Variants in EPS8 observed in about 807,000 individuals in gnomAD.
The protein encoded by EPS8 is EGFR pathway substrate 8, signaling adaptor, also known as epidermal growth factor receptor kinase substrate 8.
Under a neutral mutation model 103.8 loss-of-function variants are expected in EPS8, and 42 were observed. That is an observed-to-expected ratio of 0.40 (90% CI 0.32 to 0.52). The LOEUF is 0.52. Ranked by LOEUF, EPS8 falls within the 20% of genes least tolerant of loss-of-function variation. The pLI is 0.40. For missense variants in EPS8, 969 were observed against 1,005.1 expected, an observed-to-expected ratio of 0.96 and a Z score of 0.49; for synonymous variants, 344 against 344.6, an observed-to-expected ratio of 1.00 and a Z score of 0.02.
rs368683338 is a variant in EPS8 at position 15,740,951 on chromosome 12, G to A, written c.-22+48210C>T. ...TAAAAAATGGTGCTTTTAGTGACCT[G>A]TATGTTCCAAAGCAGCAGCAGCCAA... On this transcript the variant is annotated intron_variant, in intron 1 of 20. Coordinates refer to ENST00000281172, the MANE Select transcript of EPS8 (RefSeq NM_004447.6). Among the ~76,000 whole-genome samples the A allele has an allele frequency of 3.1e-3, 472 of 152,314 alleles. 3 individuals carry two copies. Among genetic ancestry groups the A allele is most frequent in the Non-Finnish European group, 3.9e-3 (265 of 68,022 alleles).
rs1325179391 is a variant in EPS8 at position 15,727,524 on chromosome 12, T to C, written c.-21-44552A>G. ...AACTGACCCATTGCTACAACTTTTG[T>C]AAATACAGTAAAGCAAGGTATTTAA... On this transcript the variant is annotated intron_variant, in intron 1 of 20. Transcript: ENST00000281172. The surrounding 1 kb of genome is among the most constrained non-coding windows in gnomAD (Gnocchi z 4.3). Among the ~76,000 whole-genome samples the C allele has an allele frequency of 6.6e-6, 1 of 152,214 alleles. No homozygotes were observed. Among genetic ancestry groups the C allele is most frequent in the African/African-American group, 2.4e-5 (1 of 41,454 alleles).
rs758362136 is a variant in EPS8 at position 15,752,993 on chromosome 12, C to T, written c.-22+36168G>A. Among the ~76,000 whole-genome samples, 3 of 151,618 alleles carry T rather than the reference C, an allele frequency of 2.0e-5. No homozygotes were observed. Among genetic ancestry groups the T allele is most frequent in the Non-Finnish European group, 4.4e-5 (3 of 67,966 alleles). Reference sequence around the variant, plus strand: ...TGGGATAACCATCATTTATTTATAGCTCTGTGGCTTAAAGAAATGTGACTC... The same window carrying T: ...TGGGATAACCATCATTTATTTATAGTTCTGTGGCTTAAAGAAATGTGACTC... On this transcript the variant is annotated intron_variant, in intron 1 of 20. Transcript: ENST00000281172. This position sits in a 1 kb window ranked among gnomAD's most constrained non-coding sequence, Gnocchi z 4.4.
intron 1 of EPS8, among the ~76,000 whole-genome samples, chr12:15,686,511 G>A (rs1946098034): frequency 6.6e-6 from 1 of 151,686 alleles, no homozygotes; most frequent in Non-Finnish European, 1.5e-5. Context: ...ATTTTCTACA[G>A]AAAATAAAAT....
rs1946503275 is a variant in EPS8 at position 15,714,250 on chromosome 12, T to C, written c.-21-31278A>G. Among the ~76,000 whole-genome samples the C allele has an allele frequency of 6.6e-6, 1 of 152,016 alleles. No individual in the cohort carries two copies. Among genetic ancestry groups the C allele is most frequent in the Admixed American group, 6.6e-5 (1 of 15,260 alleles). On this transcript the variant is annotated intron_variant, in intron 1 of 20. Coordinates refer to ENST00000281172, the MANE Select transcript of EPS8 (RefSeq NM_004447.6). The surrounding 1 kb of genome is among the most constrained non-coding windows in gnomAD (Gnocchi z 4.1). ...TATGAAGACACCAAAAAAGTATATT[T>C]AAATTATTAAAGAAATGGAGAGAGA...
chr12:15,662,544 G>A, intron 8 of EPS8: 1 of 986,136 alleles, frequency 1.0e-6, no homozygotes, highest in Non-Finnish European at 1.2e-6. Flanking sequence ...AGCTTTCGGA[G>A]TTCTGACAGC....
intron 1 of EPS8, among the ~76,000 whole-genome samples, chr12:15,753,349 C>G (rs1946953075): frequency 6.6e-6 from 1 of 152,122 alleles, no homozygotes; most frequent in Non-Finnish European, 1.5e-5. Flanking sequence ...CTCGATGAAG[C>G]TCTGTAGAAT....
In EPS8 at chr12:15,711,108, A is replaced by G. The variant is rs969224920; in HGVS notation, c.-21-28136T>C. ...TTGGTAGAGACAAGGTCTCACTATG[A>G]TGCCCAGGCTGGCCTTGAACTCATG... On this transcript the variant is annotated intron_variant, in intron 1 of 20. Coordinates refer to ENST00000281172, the MANE Select transcript of EPS8 (RefSeq NM_004447.6). 4.0e-5 allele frequency among the ~76,000 whole-genome samples: 6 copies of G among 151,518 alleles called. 1 individual carries two copies. Among genetic ancestry groups the G allele is most frequent in the Middle Eastern group, 3.2e-3 (1 of 314 alleles).
In EPS8 at chr12:15,762,390, A is replaced by C. The variant is rs571657985; in HGVS notation, c.-22+26771T>G. Among the ~76,000 whole-genome samples the C allele has an allele frequency of 5.4e-4, 83 of 152,308 alleles. No individual in the cohort carries two copies. Among genetic ancestry groups the C allele is most frequent in the East Asian group, 3.7e-3 (19 of 5,190 alleles). On this transcript the variant is annotated intron_variant, in intron 1 of 20. Coordinates refer to ENST00000281172, the MANE Select transcript of EPS8 (RefSeq NM_004447.6). The surrounding 1 kb of genome is among the most constrained non-coding windows in gnomAD (Gnocchi z 4.8). ...GAACAGTTTGGCGGTGCCTCAAAAA[A>C]CTAAAAGGAGAGCTACATTATGATC... is the stretch of plus-strand genomic sequence containing the variant.
rs1182607673 is a variant in EPS8, at chr12:15,785,455, T to C, written c.-22+3706A>G. ...CTCACTGTTGGAGTAAGTTTACATATAAACAAAGGGAGAAGGCTAGAATGA... is the reference window on the plus strand; with the variant it reads ...CTCACTGTTGGAGTAAGTTTACATACAAACAAAGGGAGAAGGCTAGAATGA... On this transcript the variant is annotated intron_variant, in intron 1 of 20. Transcript: ENST00000281172. The surrounding 1 kb of genome is among the most constrained non-coding windows in gnomAD (Gnocchi z 4.9). 1.3e-5 allele frequency among the ~76,000 whole-genome samples: 2 copies of C among 152,144 alleles called. No homozygotes were observed. Among genetic ancestry groups the C allele is most frequent in the African/African-American group, 4.8e-5 (2 of 41,468 alleles).
At chr12:15,709,031 C>T (rs1242175882) in intron 1 of EPS8, among the ~76,000 whole-genome samples, 1 of 152,190 alleles carries the variant, frequency 6.6e-6, no homozygotes, top group African/African-American at 2.4e-5. Context: ...TCCAGTTGAT[C>T]CCCTGTCCCC....
intron 15 of EPS8, among the ~76,000 whole-genome samples, chr12:15,646,098 T>G (rs964752775): frequency 6.6e-6 from 1 of 152,128 alleles, no homozygotes; most frequent in Non-Finnish European, 1.5e-5. Context: ...AAATTAATTA[T>G]GTAATTAAAA....
At chr12:15,753,715 C>T (rs192363923) in intron 1 of EPS8, among the ~76,000 whole-genome samples, 6 of 152,332 alleles carry the variant, frequency 3.9e-5, no homozygotes, top group African/African-American at 1.4e-4. Flanking sequence ...CGTTCAATCT[C>T]ATTCAAATCT....
At chr12:15,621,876 C>G (rs1297608033) in intron 20 of EPS8, among the ~76,000 whole-genome samples, 2 of 152,098 alleles carry the variant, frequency 1.3e-5, no homozygotes, top group Admixed American at 1.3e-4. Flanking sequence ...TCTGACCCTC[C>G]GACCATGCTG....
At chr12:15,786,316 C>T (rs997479722) in intron 1 of EPS8, among the ~76,000 whole-genome samples, 4 of 151,860 alleles carry the variant, frequency 2.6e-5, no homozygotes, top group African/African-American at 9.7e-5. Context: ...AGATGAATTC[C>T]AATGCAAATG....
At chr12:15,712,955 C>T in intron 1 of EPS8, 3 of 985,380 alleles carry the variant, frequency 3.0e-6, no homozygotes, top group Non-Finnish European at 3.6e-6. Flanking sequence ...GGCACAACGT[C>T]AGAAAGGGTG....
chr12:15,647,294 C>T, intron 14 of EPS8, 34 bp from the exon 15 acceptor site: 2 of 1,589,156 alleles, frequency 1.3e-6, no homozygotes, highest in Non-Finnish European at 1.7e-6. Context: ...TAAAGAATCA[C>T]CAAATACTAT....
At chr12:15,766,354 C>A (rs922585306) in intron 1 of EPS8, among the ~76,000 whole-genome samples, 1 of 151,560 alleles carries the variant, frequency 6.6e-6, no homozygotes, top group African/African-American at 2.4e-5. Flanking sequence ...ATAGCTGGGC[C>A]TGGTGGTGGG....
intron 2 of EPS8, among the ~76,000 whole-genome samples, chr12:15,682,069 G>T (rs1028305429): frequency 6.6e-6 from 1 of 152,006 alleles, no homozygotes; most frequent in African/African-American, 2.4e-5. Context: ...CTTTACTACC[G>T]CATTGACACA....
intron 1 of EPS8, among the ~76,000 whole-genome samples, chr12:15,705,155 T>C (rs1458054990): frequency 6.6e-6 from 1 of 152,216 alleles, no homozygotes; most frequent in Non-Finnish European, 1.5e-5. Flanking sequence ...TCTAACATTA[T>C]CTGGCAGGCA....
Sources: gnomAD v4.1 joint callset for allele counts (sites outside exome capture counted in the v4.1 genomes callset) on GRCh38, gnomAD v4.1.1 for gene constraint, Gnocchi (gnomAD v3.1) non-coding constraint, MANE v1.5 for transcripts, NCBI Gene and HGNC (gene_info 2026-07-23, HGNC 2026-07-21) for gene names.